The following MEGF10 variants were observed in gnomAD, a reference collection of about 807,000 sequenced individuals.
MEGF10 encodes multiple EGF like domains 10, also known as multiple epidermal growth factor-like domains protein 10.
MEGF10 carries 86 observed loss-of-function variants against 147.5 expected under a neutral mutation model. That is an observed-to-expected ratio of 0.58 (90% CI 0.49 to 0.70). The LOEUF (loss-of-function observed/expected upper bound fraction) is 0.70. Among genes scored for constraint, MEGF10 ranks in the 30% least tolerant of loss-of-function variants. The probability of loss-of-function intolerance (pLI) is 0.00; values close to 1 mark genes in which losing one functional copy is unlikely to be tolerated. For synonymous variants in MEGF10, 478 were observed against 525.5 expected, an observed-to-expected ratio of 0.91 and a Z score of 1.24; for missense variants, 1,329 against 1,487.3, an observed-to-expected ratio of 0.89 and a Z score of 1.75.
chr5:127,342,981 C>A (rs1401926135), intron 4 of MEGF10, among the ~76,000 whole-genome samples: 1 of 152,104 alleles, frequency 6.6e-6, no homozygotes, highest in African/African-American at 2.4e-5. Flanking sequence ...ACACCCCCAC[C>A]CCGCCCAACA....
the MEGF10 span, among the ~76,000 whole-genome samples, chr5:127,240,739 G>A: frequency 6.6e-6 from 1 of 152,084 alleles, no homozygotes; most frequent in South Asian, 2.1e-4. Flanking sequence ...AGGAAATATT[G>A]TTTTCTAAAA....
chr5:127,332,529 G>T (rs1415956711), intron 2 of MEGF10, among the ~76,000 whole-genome samples: 1 of 152,022 alleles, frequency 6.6e-6, no homozygotes, highest in Non-Finnish European at 1.5e-5. Context: ...ATTATTTTTG[G>T]TAAGGGCTTA....
chr5:127,392,314 G>A (rs1021336499), intron 5 of MEGF10, among the ~76,000 whole-genome samples: 2 of 152,114 alleles, frequency 1.3e-5, no homozygotes, highest in African/African-American at 4.8e-5. Context: ...ATTCCCTGCA[G>A]CCCCTGCACC....
the MEGF10 span, among the ~76,000 whole-genome samples, chr5:127,247,251 T>C: frequency 6.9e-6 from 1 of 144,004 alleles, no homozygotes; most frequent in Non-Finnish European, 1.5e-5. Flanking sequence ...GAAAGTATTA[T>C]TATTCCAAAA....
At chr5:127,451,037 G>T (rs1426799107) in intron 22 of MEGF10, among the ~76,000 whole-genome samples, 1 of 152,182 alleles carries the variant, frequency 6.6e-6, no homozygotes, top group East Asian at 1.9e-4. Context: ...GGGATTACAG[G>T]CATGAGCCAC....
chr5:127,430,679 A>G (rs1765362128), intron 13 of MEGF10, among the ~76,000 whole-genome samples: 1 of 152,222 alleles, frequency 6.6e-6, no homozygotes, highest in Non-Finnish European at 1.5e-5. Flanking sequence ...CTAGGAGGGC[A>G]CAGAGGGCCA....
At chr5:127,284,615 C>A in the MEGF10 span, among the ~76,000 whole-genome samples, 24 of 152,236 alleles carry the variant, frequency 1.6e-4, no homozygotes, top group Non-Finnish European at 3.1e-4. Flanking sequence ...TCTCTCTGAG[C>A]CTTCTTTTTC....
intron 4 of MEGF10, among the ~76,000 whole-genome samples, chr5:127,344,077 A>G (rs1199737844): frequency 6.6e-6 from 1 of 152,150 alleles, no homozygotes; most frequent in African/African-American, 2.4e-5. Context: ...TATCGTAGTC[A>G]TTTCCTCTTT....
At chr5:127,232,609 A>G in the MEGF10 span, among the ~76,000 whole-genome samples, 1 of 152,138 alleles carries the variant, frequency 6.6e-6, no homozygotes, top group Admixed American at 6.5e-5. Flanking sequence ...CAGATGTGAA[A>G]TGATAACAAA....
intron 4 of MEGF10, among the ~76,000 whole-genome samples, chr5:127,343,797 A>AC (rs1241789892): frequency 6.6e-6 from 1 of 151,874 alleles, no homozygotes; most frequent in Non-Finnish European, 1.5e-5. Context: ...AAAAAAAAAA[A>AC]GTCATCTTCT....
intron 4 of MEGF10, among the ~76,000 whole-genome samples, chr5:127,342,138 T>C (rs181149170): frequency 1.3e-5 from 2 of 152,312 alleles, no homozygotes; most frequent in East Asian, 3.9e-4. Context: ...TACATGTTTA[T>C]AATCAAACAT....
intron 8 of MEGF10, among the ~76,000 whole-genome samples, chr5:127,404,002 T>G (rs1764229595): frequency 6.6e-6 from 1 of 152,178 alleles, no homozygotes; most frequent in African/African-American, 2.4e-5. Flanking sequence ...TTTTTAGTTT[T>G]TTGAGGAACC....
At chr5:127,313,983 C>T (rs764737347) in intron 1 of MEGF10, among the ~76,000 whole-genome samples, 3 of 152,136 alleles carry the variant, frequency 2.0e-5, no homozygotes, top group Admixed American at 1.3e-4. Context: ...TCTGTAGGTT[C>T]GGGGAGATGC....
chr5:127,434,791 C>T lies in MEGF10; in HGVS notation c.1945C>T (p.Pro649Ser), dbSNP rs760671340. ...CATCACCGGCCTGTGTGACTGCTTGCCTGGCTTCACAGGCGCCCTCTGCAA... is the reference window on the plus strand; with the variant it reads ...CATCACCGGCCTGTGTGACTGCTTGTCTGGCTTCACAGGCGCCCTCTGCAA... ...HHITGLCDCL[P>S]GFTGALCNEV... The change falls in exon 15 of 25, where the codon CCT (proline) becomes TCT (serine). Residue 649 changes from proline to serine, a missense_variant. Coordinates refer to ENST00000503335, the MANE Select transcript of MEGF10 (RefSeq NM_001256545.2). The T allele has an allele frequency of 5.0e-6, 8 of 1,613,494 alleles. No individual in the cohort carries two copies. In the African/African-American group the frequency reaches 9.3e-5, roughly 19 times the overall value.
At chr5:127,416,490 A>T (rs1451447971) in intron 9 of MEGF10, among the ~76,000 whole-genome samples, 1 of 152,076 alleles carries the variant, frequency 6.6e-6, no homozygotes, top group Non-Finnish European at 1.5e-5. Flanking sequence ...CTAAACCTAC[A>T]CTCAAGAAAC....
chr5:127,306,365 G>A (rs1459170731), intron 1 of MEGF10, among the ~76,000 whole-genome samples: 1 of 152,158 alleles, frequency 6.6e-6, no homozygotes, highest in East Asian at 1.9e-4. Context: ...GTGAAGAAAG[G>A]TCTGTGCAAG....
chr5:127,348,334 C>A (rs1761967484), intron 4 of MEGF10, among the ~76,000 whole-genome samples: 1 of 152,042 alleles, frequency 6.6e-6, no homozygotes, highest in African/African-American at 2.4e-5. Context: ...AGCCTGCCTT[C>A]TTTTTCTGAT....
In MEGF10 at chr5:127,303,335, C is replaced by CAA. The variant is rs1174955274; in HGVS notation, c.-19+12298_-19+12299dup. On this transcript the variant is annotated intron_variant, in intron 1 of 24. Transcript: ENST00000503335. ...TGGACAACAGATCGAGACTCCATGT[C>CAA]AAAAAAAAAAAAAAAAAAAAGCAAT... Among the ~76,000 whole-genome samples, 55 of 50,482 alleles carry CAA rather than the reference C, an allele frequency of 1.1e-3. 3 individuals carry two copies. The highest frequency in any genetic ancestry group is 2.1e-3 in the African/African-American group (34 of 16,438). 33.1% of individuals were successfully genotyped at this position (50,482 alleles called of 152,430 possible).
chr5:127,337,694 C>T (rs982399792), intron 2 of MEGF10, among the ~76,000 whole-genome samples: 11 of 152,156 alleles, frequency 7.2e-5, no homozygotes, highest in Admixed American at 5.2e-4. Flanking sequence ...AAGAAACAGT[C>T]ATCTAAAGTA....
Sources: gnomAD v4.1 joint callset for allele counts (sites outside exome capture counted in the v4.1 genomes callset) on GRCh38, gnomAD v4.1.1 for gene constraint, MANE v1.5 for transcripts, NCBI Gene and HGNC (gene_info 2026-07-23, HGNC 2026-07-21) for gene names.